The following RMND1 variants were observed in gnomAD, a reference collection of about 807,000 sequenced individuals.
RMND1 encodes required for meiotic nuclear division 1 homolog.
A neutral mutation model predicts 54.0 loss-of-function variants in RMND1; 41 were observed. The observed-to-expected ratio is 0.76, with a 90% CI of 0.59 to 0.98. The LOEUF (loss-of-function observed/expected upper bound fraction) is 0.98, where lower values mean the gene tolerates loss of function less well. Ranked by LOEUF, RMND1 falls within the 50% of genes least tolerant of loss-of-function variation. RMND1 has a pLI of 0.00. For synonymous variants in RMND1, 183 were observed against 181.7 expected (o/e 1.01, Z -0.06); for missense variants, 457 against 532.0 (o/e 0.86, Z 1.39).
intron 1 of RMND1, 58 bp from the exon 2 acceptor site, chr6:151,445,883 A>G: frequency 7.2e-7 from 1 of 1,394,028 alleles, no homozygotes; most frequent in Non-Finnish European, 9.4e-7. Flanking sequence ...AACATATATA[A>G]TATTTCCCTA....
At chr6:151,438,724 C>T (rs1780685756) in intron 2 of RMND1, among the ~76,000 whole-genome samples, 1 of 152,040 alleles carries the variant, frequency 6.6e-6, no homozygotes, top group Non-Finnish European at 1.5e-5. Context: ...CCTGCCTCTC[C>T]CTGTTGTCTC....
In RMND1 at chr6:151,405,010, G is replaced by A. The variant is rs560070726; in HGVS notation, c.*225C>T. The A allele has an allele frequency of 2.0e-5, 9 of 444,290 alleles. No individual in the cohort carries two copies. The highest frequency in any genetic ancestry group is 8.6e-5 in the Admixed American group (2 of 23,390). 27.5% of individuals were successfully genotyped at this position (444,290 alleles called of 1,614,324 possible). On this transcript the variant is annotated 3_prime_UTR_variant, in exon 12 of 12. Transcript: ENST00000444024. ...CAGCCTCCTGAGTAGCTGAGATGAC[G>A]GGCGTGTGCCAACACACCTGGCTAA... is the stretch of plus-strand genomic sequence containing the variant.
rs1779553207 is a variant in RMND1, at chr6:151,404,831, C to G, written c.*404G>C. The G allele has an allele frequency of 6.4e-6, 1 of 155,104 alleles. No homozygotes were observed. Among genetic ancestry groups the G allele is most frequent in the South Asian group, 2.0e-4 (1 of 4,968 alleles). The allele number at this position is 155,104 out of a possible 1,614,324, so 9.6% of individuals were successfully genotyped here. A position where few individuals can be genotyped will look rare whatever the true frequency, so the allele number is the denominator to read the frequency against. ...AGATAATTTCTTGATTAAAAAAACA[C>G]CTATTAAATGATCACCCAGTAGTGA... On this transcript the variant is annotated 3_prime_UTR_variant, in exon 12 of 12. Transcript: ENST00000444024.
intron 1 of RMND1, among the ~76,000 whole-genome samples, chr6:151,447,645 A>G (rs1780994118): frequency 6.6e-6 from 1 of 152,152 alleles, no homozygotes; most frequent in South Asian, 2.1e-4. Context: ...AAATCCCTTC[A>G]AAAGCTCGCA....
intron 10 of RMND1, among the ~76,000 whole-genome samples, chr6:151,415,567 AAAAAGTC>A (rs1779976805): frequency 6.6e-6 from 1 of 152,070 alleles, no homozygotes; most frequent in Non-Finnish European, 1.5e-5. Context: ...AAAGCCAGTT[AAAAAGTC>A]ACATACAGAT....
chr6:151,411,082 C>T (rs1214718796), intron 10 of RMND1, among the ~76,000 whole-genome samples: 1 of 152,166 alleles, frequency 6.6e-6, no homozygotes, highest in Admixed American at 6.5e-5. Flanking sequence ...GCCTCAGCCC[C>T]TCAAGTACCT....
chr6:151,447,454 G>C (rs1780989651), intron 1 of RMND1, among the ~76,000 whole-genome samples: 1 of 152,134 alleles, frequency 6.6e-6, no homozygotes, highest in South Asian at 2.1e-4. Context: ...GGAAACTGAG[G>C]TTTAAAGAGG....
At chr6:151,446,938 TC>T (rs753335020) in intron 1 of RMND1, among the ~76,000 whole-genome samples, 2 of 152,046 alleles carry the variant, frequency 1.3e-5, no homozygotes, top group East Asian at 1.9e-4. Flanking sequence ...AATCAATAAT[TC>T]TTTTTTTAAA....
rs1780372280 is a variant in RMND1 at position 151,428,641 on chromosome 6, C to T, written c.730-1059G>A. Among the ~76,000 whole-genome samples the T allele has an allele frequency of 1.3e-5, 2 of 152,116 alleles. 1 individual carries two copies. Among genetic ancestry groups the T allele is most frequent in the South Asian group, 4.1e-4 (2 of 4,832 alleles). On this transcript the variant is annotated intron_variant, in intron 5 of 11. Coordinates refer to ENST00000444024, the MANE Select transcript of RMND1 (RefSeq NM_017909.4). Reference sequence around the variant, plus strand: ...CAAACTCCTGGGTTCGAGCGATCCCCCTGCCTTAGCCTCCCAAGTAGCTGG... The same window carrying T: ...CAAACTCCTGGGTTCGAGCGATCCCTCTGCCTTAGCCTCCCAAGTAGCTGG...
chr6:151,407,800 A>G (rs772963734), intron 10 of RMND1, among the ~76,000 whole-genome samples: 12 of 152,020 alleles, frequency 7.9e-5, no homozygotes, highest in Non-Finnish European at 1.8e-4. Flanking sequence ...CCAGCCAGTC[A>G]GGAGGCTGAG....
intron 1 of RMND1, among the ~76,000 whole-genome samples, chr6:151,449,355 T>C: frequency 7.3e-6 from 1 of 136,634 alleles, no homozygotes; most frequent in Non-Finnish European, 1.5e-5. Flanking sequence ...GGCGACAGAG[T>C]GAGATTCTGT....
intron 10 of RMND1, chr6:151,408,645 T>TA (rs1779710095): frequency 6.6e-6 from 1 of 152,118 alleles, no homozygotes; most frequent in Admixed American, 6.5e-5. Context: ...TAGCTGACCT[T>TA]AAGATGAGAT....
intron 6 of RMND1, among the ~76,000 whole-genome samples, chr6:151,424,759 CA>C (rs147839527): frequency 0.12 from 17,840 of 151,770 alleles, 1,069 homozygotes; most frequent in Middle Eastern, 0.18. Flanking sequence ...AGACAGGGGA[CA>C]GGGGAAGAGC....
At chr6:151,437,998 TA>T (rs1780661103) in intron 2 of RMND1, among the ~76,000 whole-genome samples, 1 of 152,234 alleles carries the variant, frequency 6.6e-6, no homozygotes, top group Non-Finnish European at 1.5e-5. Flanking sequence ...TGTAGTACCC[TA>T]ATTATGAGCA....
chr6:151,434,166 C>T (rs1490878704), intron 3 of RMND1, among the ~76,000 whole-genome samples: 1 of 152,014 alleles, frequency 6.6e-6, no homozygotes, highest in East Asian at 1.9e-4. Context: ...AAAACATATA[C>T]TAATATACCA....
At chr6:151,430,250 T>G in intron 4 of RMND1, 73 bp from the exon 5 acceptor site, 1 of 1,067,256 alleles carries the variant, frequency 9.4e-7, no homozygotes, top group South Asian at 1.4e-5. Flanking sequence ...TATAAAACCA[T>G]GTAACTTCTA....
At chr6:151,409,690 CTG>C (rs1779748323) in intron 10 of RMND1, among the ~76,000 whole-genome samples, 2 of 152,120 alleles carry the variant, frequency 1.3e-5, no homozygotes, top group Non-Finnish European at 2.9e-5. Context: ...TGAGGAAGAT[CTG>C]TGAGATTGAG....
intron 4 of RMND1, among the ~76,000 whole-genome samples, chr6:151,431,403 T>C (rs925614886): frequency 1.2e-4 from 18 of 152,254 alleles, no homozygotes; most frequent in African/African-American, 2.2e-4. Flanking sequence ...CTGCTTACAA[T>C]AGACAAACAG....
intron 10 of RMND1, among the ~76,000 whole-genome samples, chr6:151,409,231 G>A (rs146206879): frequency 9.2e-5 from 14 of 152,264 alleles, no homozygotes; most frequent in East Asian, 7.7e-4. Context: ...GCTTGAAGAC[G>A]GGTCAGTATG....
Sources: gnomAD v4.1 joint callset for allele counts (sites outside exome capture counted in the v4.1 genomes callset) on GRCh38, gnomAD v4.1.1 for gene constraint, MANE v1.5 for transcripts, NCBI Gene and HGNC (gene_info 2026-07-23, HGNC 2026-07-21) for gene names.